The following COL19A1 variants were observed in gnomAD, a reference collection of about 807,000 sequenced individuals.
COL19A1 encodes the protein collagen type XIX alpha 1 chain.
In COL19A1, 159 loss-of-function variants were observed where a neutral mutation model predicts 190.2. The observed-to-expected ratio is 0.84, with a 90% CI of 0.73 to 0.95. The LOEUF (loss-of-function observed/expected upper bound fraction) is 0.95. COL19A1 is among the 40% of genes least tolerant of loss of function. The pLI, the probability that COL19A1 is intolerant of heterozygous loss-of-function variation, is 0.00. For synonymous variants in COL19A1, 509 were observed against 458.9 expected (o/e 1.11, Z -1.39); for missense variants, 1,418 against 1,431.9 (o/e 0.99, Z 0.16).
intron 6 of COL19A1, 45 bp downstream of exon 6, chr6:69,929,745 T>TTA: frequency 6.9e-7 from 1 of 1,446,400 alleles, no homozygotes; most frequent in South Asian, 1.4e-5. Context: ...AATTTCTAAG[T>TTA]AAAAAAAAAA....
intron 48 of COL19A1, among the ~76,000 whole-genome samples, chr6:70,198,265 C>T (rs566368730): frequency 6.6e-6 from 1 of 152,208 alleles, no homozygotes; most frequent in South Asian, 2.1e-4. Flanking sequence ...ATACTAATTT[C>T]CTCAGTAAAA....
chr6:70,036,581 TAC>T (rs1779363097), intron 14 of COL19A1, among the ~76,000 whole-genome samples: 1 of 152,172 alleles, frequency 6.6e-6, no homozygotes, highest in Non-Finnish European at 1.5e-5. Flanking sequence ...AATTTACTAT[TAC>T]AGACTTTTTT....
At position 70,168,745 on chromosome 6, in the gene COL19A1, A is replaced by G. The variant is rs547717101; in HGVS notation, c.2568+64A>G. 164 of 1,574,386 alleles carry G rather than the reference A, an allele frequency of 1.0e-4. 2 individuals are homozygous for G. The South Asian group carries it at 1.4e-3, about 13-fold the overall frequency. Reference sequence around the variant, plus strand: ...GGTCTTTGTTAAATTTTGAAAGAAAAGCATCGGGCAAAATGGCCTGCCTTC... The same window carrying G: ...GGTCTTTGTTAAATTTTGAAAGAAAGGCATCGGGCAAAATGGCCTGCCTTC... On this transcript the variant is annotated intron_variant, in intron 40 of 50. Transcript: ENST00000620364.
At chr6:69,979,760 A>T (rs1463287683) in intron 11 of COL19A1, among the ~76,000 whole-genome samples, 4 of 151,610 alleles carry the variant, frequency 2.6e-5, no homozygotes, top group Admixed American at 1.3e-4. Flanking sequence ...GGATATATTT[A>T]AAAAACAATA....
chr6:69,963,381 T>C (rs1273796232), intron 11 of COL19A1, among the ~76,000 whole-genome samples: 4 of 152,150 alleles, frequency 2.6e-5, no homozygotes, highest in South Asian at 2.1e-4. Context: ...AAGAAAACCA[T>C]AGGGATTGTG....
intron 40 of COL19A1, among the ~76,000 whole-genome samples, chr6:70,171,505 T>G (rs1342728602): frequency 6.6e-6 from 1 of 152,252 alleles, no homozygotes; most frequent in Non-Finnish European, 1.5e-5. Context: ...TCACAATTCT[T>G]GTCCAGCTGC....
chr6:69,967,701 C>G (rs1160772209), intron 11 of COL19A1, among the ~76,000 whole-genome samples: 1 of 151,938 alleles, frequency 6.6e-6, no homozygotes, highest in Non-Finnish European at 1.5e-5. Flanking sequence ...TCCTAAAATG[C>G]CATATGAGAT....
In COL19A1 at chr6:70,078,838, G is replaced by C. The variant is rs762880520; in HGVS notation, c.1224+10362G>C. 6.2e-4 allele frequency among the ~76,000 whole-genome samples: 94 copies of C among 152,084 alleles called. 1 individual carries two copies. The highest frequency in any genetic ancestry group is 1.2e-3 in the Non-Finnish European group (79 of 68,004). ...TCCCAGCACTTTGGGAGGCCGAGGC[G>C]GGCAGGTAACTTGAGGTCAGGAGTT... On this transcript the variant is annotated intron_variant, in intron 15 of 50. Coordinates refer to ENST00000620364, the MANE Select transcript of COL19A1 (RefSeq NM_001858.6).
At chr6:70,134,290 T>A (rs1785702260) in intron 18 of COL19A1, among the ~76,000 whole-genome samples, 1 of 152,074 alleles carries the variant, frequency 6.6e-6, no homozygotes, top group Non-Finnish European at 1.5e-5. Flanking sequence ...TAATTTACTA[T>A]GTCTAGGAAA....
chr6:70,067,049 G>A (rs59152526), intron 14 of COL19A1, among the ~76,000 whole-genome samples: 1,998 of 152,250 alleles, frequency 0.013, 45 homozygotes, highest in African/African-American at 0.046. Flanking sequence ...AGAGCCTGGT[G>A]AGAGTAACAA....
chr6:70,027,722 TTAA>T (rs1778805115), intron 12 of COL19A1, among the ~76,000 whole-genome samples: 2 of 152,190 alleles, frequency 1.3e-5, no homozygotes, highest in African/African-American at 4.8e-5. Context: ...GCTAGAAAAT[TTAA>T]CCTTGAAAAT....
chr6:70,170,079 T>C (rs919775407), intron 40 of COL19A1, among the ~76,000 whole-genome samples: 9 of 152,162 alleles, frequency 5.9e-5, no homozygotes, highest in Admixed American at 1.3e-4. Flanking sequence ...TAAAAACTGA[T>C]TGAAGTGTGT....
At chr6:69,933,694 G>A (rs570712846) in intron 7 of COL19A1, among the ~76,000 whole-genome samples, 7 of 152,056 alleles carry the variant, frequency 4.6e-5, no homozygotes, top group Non-Finnish European at 7.4e-5. Flanking sequence ...TGTAATGGCC[G>A]TGTGTGCTAT....
At chr6:69,906,575 T>C (rs1770561180) in intron 4 of COL19A1, among the ~76,000 whole-genome samples, 1 of 152,124 alleles carries the variant, frequency 6.6e-6, no homozygotes, top group Non-Finnish European at 1.5e-5. Flanking sequence ...TGAGGGGAAA[T>C]GAGGCTACGT....
intron 6 of COL19A1, among the ~76,000 whole-genome samples, 197 bp from the exon 7 acceptor site, chr6:69,932,586 C>T (rs1196521557): frequency 6.6e-6 from 1 of 152,002 alleles, no homozygotes; most frequent in Non-Finnish European, 1.5e-5. Flanking sequence ...ATAGATCCAT[C>T]TCTATATCCA....
At chr6:70,066,757 G>A (rs1007893708) in intron 14 of COL19A1, among the ~76,000 whole-genome samples, 3 of 151,976 alleles carry the variant, frequency 2.0e-5, no homozygotes, top group Non-Finnish European at 4.4e-5. Context: ...AAAAATGAAT[G>A]TTAATTATTT....
intron 11 of COL19A1, among the ~76,000 whole-genome samples, chr6:70,018,789 G>A (rs982701266): frequency 6.6e-6 from 1 of 152,138 alleles, no homozygotes; most frequent in African/African-American, 2.4e-5. Flanking sequence ...ATCCTCTGAG[G>A]AAGCCTGTAG....
At chr6:70,123,991 A>G (rs988059189) in intron 17 of COL19A1, among the ~76,000 whole-genome samples, 4 of 151,970 alleles carry the variant, frequency 2.6e-5, no homozygotes, top group African/African-American at 9.7e-5. Context: ...AACTAAAAAA[A>G]AAAGTGGTTT....
intron 14 of COL19A1, among the ~76,000 whole-genome samples, chr6:70,063,191 C>T (rs1423666101): frequency 6.6e-6 from 1 of 152,046 alleles, no homozygotes; most frequent in Non-Finnish European, 1.5e-5. Flanking sequence ...TTTTTCAGCA[C>T]CACACTGCAC....
Sources: gnomAD v4.1 joint callset for allele counts (sites outside exome capture counted in the v4.1 genomes callset) on GRCh38, gnomAD v4.1.1 for gene constraint, MANE v1.5 for transcripts, NCBI Gene and HGNC (gene_info 2026-07-23, HGNC 2026-07-21) for gene names.